The following SLC12A6 variants were observed in gnomAD, a reference collection of about 807,000 sequenced individuals.
The protein encoded by SLC12A6 is solute carrier family 12 member 6.
Under a neutral mutation model 135.3 loss-of-function variants are expected in SLC12A6, and 66 were observed. The observed-to-expected ratio is 0.49, with a 90% CI of 0.40 to 0.60. The LOEUF (loss-of-function observed/expected upper bound fraction) is 0.60. SLC12A6 is among the 20% of genes least tolerant of loss of function. The pLI, the probability that SLC12A6 is intolerant of heterozygous loss-of-function variation, is 0.00. For missense variants in SLC12A6, 1,058 were observed against 1,452.3 expected (o/e 0.73, Z 4.41); for synonymous variants, 513 against 508.8 (o/e 1.01, Z -0.11).
At chr15:34,254,116 A>G (rs1332480580) in intron 9 of SLC12A6, among the ~76,000 whole-genome samples, 13 of 152,230 alleles carry the variant, frequency 8.5e-5, no homozygotes, top group Non-Finnish European at 1.9e-4. Flanking sequence ...ATCTGAACCT[A>G]AATGATGGTT....
intron 8 of SLC12A6, among the ~76,000 whole-genome samples, chr15:34,254,901 T>C (rs980296166): frequency 2.0e-5 from 3 of 152,224 alleles, no homozygotes; most frequent in Admixed American, 1.3e-4. Context: ...TAACCCTGAC[T>C]CTACTATCAC....
Position 34,229,922 on chromosome 15 carries a change from G to A in SLC12A6, c.*3959C>T. ...GAACCAAAAGACTCTTTTCTCCATG[G>A]TGGGGTGACAGGTCCTAGAAGGACA... On this transcript the variant is annotated 3_prime_UTR_variant, in exon 26 of 26. Transcript: ENST00000354181. The A allele has an allele frequency of 1.2e-6, 1 of 824,766 alleles. No homozygotes were observed. The highest frequency in any genetic ancestry group is 2.1e-6 in the Non-Finnish European group (1 of 486,502). The allele number at this position is 824,766 out of a possible 1,614,324, so 51.1% of individuals were successfully genotyped here.
At chr15:34,236,649 A>G in intron 23 of SLC12A6, 59 bp downstream of exon 23, 1 of 1,042,254 alleles carries the variant, frequency 9.6e-7, no homozygotes, top group Non-Finnish European at 1.5e-6. Context: ...GCCCAGTATC[A>G]TCCCTTTCAG....
At position 34,242,116 on chromosome 15, in the gene SLC12A6, G is replaced by C; in HGVS notation, c.2148C>G (p.Tyr716Ter). The change falls in exon 17 of 26, where the codon TAC (tyrosine) becomes TAG (stop). Residue 716 changes from tyrosine (Y) to a stop codon, truncating the protein, a stop_gained. Transcript: ENST00000354181. LOFTEE classifies it high-confidence loss of function. ...AMVIAGMIYK[Y>*]IEYQGAEKEW... ...TCCACACTCACCCTTGGTATTCAATGTACTTGTAGATCATACCAGCTATTA... is the reference window on the plus strand; with the variant it reads ...TCCACACTCACCCTTGGTATTCAATCTACTTGTAGATCATACCAGCTATTA... 1 of 1,600,398 alleles carries C rather than the reference G, an allele frequency of 6.2e-7. No individual in the cohort carries two copies. Among genetic ancestry groups the C allele is most frequent in the Non-Finnish European group, 8.6e-7 (1 of 1,167,782 alleles).
intron 3 of SLC12A6, among the ~76,000 whole-genome samples, chr15:34,268,847 C>CT (rs1013107464): frequency 6.6e-6 from 1 of 150,880 alleles, no homozygotes. Context: ...TATTATGTTT[C>CT]TTTTTTTCTT....
Position 34,323,951 on chromosome 15 carries a change from G to A in SLC12A6, c.271+12459C>T, listed in dbSNP as rs1447487872. Among the ~76,000 whole-genome samples the A allele has an allele frequency of 2.7e-3, 325 of 119,208 alleles. 3 individuals carry two copies. The highest frequency in any genetic ancestry group is 6.1e-3 in the East Asian group (19 of 3,100). The allele number at this position is 119,208 out of a possible 152,430, so 78.2% of individuals were successfully genotyped here. ...GTGAGATCTTGTCTCAAAAAAAAAA[G>A]ACTTTTGGTAAAGATGTAGCACAAA... On this transcript the variant is annotated intron_variant, in intron 2 of 25. Coordinates refer to ENST00000354181, the MANE Select transcript of SLC12A6 (RefSeq NM_001365088.1).
upstream of SLC12A6, chr15:34,337,974 G>A (rs1281822271): frequency 2.0e-5 from 3 of 152,128 alleles, no homozygotes; most frequent in Admixed American, 6.5e-5. Context: ...GCGAAGAGAA[G>A]CCCGGGGGTG....
At chr15:34,289,505 T>C (rs1267092941) in intron 2 of SLC12A6, among the ~76,000 whole-genome samples, 2 of 152,210 alleles carry the variant, frequency 1.3e-5, no homozygotes, top group African/African-American at 2.4e-5. Context: ...AAATGAGTTA[T>C]GGAGGATTCC....
intron 2 of SLC12A6, among the ~76,000 whole-genome samples, chr15:34,302,443 C>T (rs1354651630): frequency 2.0e-5 from 3 of 152,180 alleles, no homozygotes; most frequent in Non-Finnish European, 4.4e-5. Flanking sequence ...TGCCTGCAAT[C>T]CTGACACTTT....
At chr15:34,320,397 G>A (rs1442037351) in intron 2 of SLC12A6, among the ~76,000 whole-genome samples, 1 of 152,086 alleles carries the variant, frequency 6.6e-6, no homozygotes, top group African/African-American at 2.4e-5. Context: ...AGCATAGAGA[G>A]ACAAATATCA....
At chr15:34,291,332 G>C (rs1482665670) in intron 2 of SLC12A6, among the ~76,000 whole-genome samples, 2 of 152,168 alleles carry the variant, frequency 1.3e-5, no homozygotes, top group Non-Finnish European at 2.9e-5. Context: ...TGGCTTGTAG[G>C]GTTTCTGCTG....
chr15:34,240,924 G>A, intron 18 of SLC12A6, 95 bp from the exon 19 acceptor site: 1 of 946,872 alleles, frequency 1.1e-6, no homozygotes, highest in East Asian at 2.6e-5. Context: ...CAGGAGATCT[G>A]TATGAAACAG....
At chr15:34,250,433 C>A in intron 12 of SLC12A6, 78 bp from the exon 13 acceptor site, 1 of 968,506 alleles carries the variant, frequency 1.0e-6, no homozygotes, top group Admixed American at 1.7e-5. Flanking sequence ...TAGACACTTT[C>A]TTCTGTCAGT....
intron 2 of SLC12A6, among the ~76,000 whole-genome samples, chr15:34,300,024 T>C (rs184538374): frequency 2.6e-5 from 4 of 151,980 alleles, no homozygotes; most frequent in Non-Finnish European, 5.9e-5. Context: ...GAAGACTAAA[T>C]GAGCAAAAAT....
chr15:34,254,678 G>T, intron 8 of SLC12A6, 89 bp from the exon 9 acceptor site: 2 of 1,012,636 alleles, frequency 2.0e-6, no homozygotes, highest in Non-Finnish European at 3.1e-6. Context: ...TTTCACAAAA[G>T]AAAGCAAAGC....
At chr15:34,270,316 C>T (rs368044121) in intron 3 of SLC12A6, among the ~76,000 whole-genome samples, 1 of 151,952 alleles carries the variant, frequency 6.6e-6, no homozygotes, top group African/African-American at 2.4e-5. Context: ...ATCTTGAACC[C>T]CTGGCCTCAA....
chr15:34,304,919 C>A (rs980917536), intron 2 of SLC12A6, among the ~76,000 whole-genome samples: 1 of 152,102 alleles, frequency 6.6e-6, no homozygotes, highest in Non-Finnish European at 1.5e-5. Flanking sequence ...GCTAAAACCC[C>A]TTCTTGAATT....
intron 2 of SLC12A6, among the ~76,000 whole-genome samples, chr15:34,317,071 C>A (rs1325456403): frequency 6.6e-6 from 1 of 152,160 alleles, no homozygotes; most frequent in Non-Finnish European, 1.5e-5. Flanking sequence ...GAGACAGAAC[C>A]TAATTGAGCT....
chr15:34,331,746 G>A (rs1889865868), intron 2 of SLC12A6, among the ~76,000 whole-genome samples: 1 of 152,062 alleles, frequency 6.6e-6, no homozygotes, highest in South Asian at 2.1e-4. Context: ...GCAATATAGG[G>A]ACAAAAAGAG....
Sources: allele counts gnomAD v4.1 joint callset (sites outside exome capture counted in the v4.1 genomes callset), GRCh38; gene constraint gnomAD v4.1.1; transcripts MANE v1.5; gene names NCBI Gene and HGNC (gene_info 2026-07-23, HGNC 2026-07-21).